PDZRN3: variants seen among roughly 807,000 people sequenced by gnomAD.
PDZRN3 encodes PDZ domain containing ring finger 3.
In PDZRN3, 38 loss-of-function variants were observed where a neutral mutation model predicts 85.7. That is an observed-to-expected ratio of 0.44 (90% CI 0.34 to 0.58). PDZRN3 has a LOEUF of 0.58. PDZRN3 is among the 20% of genes least tolerant of loss of function. The pLI is 0.01. For synonymous variants in PDZRN3, 759 were observed against 638.0 expected, an observed-to-expected ratio of 1.19 and a Z score of -2.86; for missense variants, 1,629 against 1,506.4, an observed-to-expected ratio of 1.08 and a Z score of -1.35.
At chr3:73,520,763 A>G (rs1422095622) in intron 3 of PDZRN3, among the ~76,000 whole-genome samples, 1 of 152,142 alleles carries the variant, frequency 6.6e-6, no homozygotes, top group East Asian at 1.9e-4. Context: ...GCAGGTGTTG[A>G]TAAGGAAGAG....
In PDZRN3 at chr3:73,568,265, A is replaced by C. The variant is rs181698488; in HGVS notation, c.918+34089T>G. Among the ~76,000 whole-genome samples, 17 of 152,090 alleles carry C rather than the reference A, an allele frequency of 1.1e-4. No homozygotes were observed. In the East Asian group the frequency reaches 2.9e-3, roughly 26 times the overall value. ...AGAGCTAGATATGATAATGAACAGG[A>C]AAGTCTTTTTTTTTCTTTTTAAATC... On this transcript the variant is annotated intron_variant, in intron 3 of 9. Transcript: ENST00000263666.
chr3:73,507,720 C>T (rs1221805452), intron 3 of PDZRN3, among the ~76,000 whole-genome samples: 1 of 152,166 alleles, frequency 6.6e-6, no homozygotes, highest in Non-Finnish European at 1.5e-5. Context: ...TAAATGAAGC[C>T]TTAGTGGAGA....
intron 3 of PDZRN3, among the ~76,000 whole-genome samples, chr3:73,574,463 G>GA (rs1553704249): frequency 7.1e-6 from 1 of 141,536 alleles, no homozygotes; most frequent in Non-Finnish European, 1.5e-5. Flanking sequence ...GGGGTGGGGG[G>GA]GGTGGGGAGG....
intron 6 of PDZRN3, among the ~76,000 whole-genome samples, chr3:73,390,538 T>C (rs1701499901): frequency 6.6e-6 from 1 of 151,942 alleles, no homozygotes; most frequent in African/African-American, 2.4e-5. Context: ...TCAAGGAAGA[T>C]CAAAACAGCG....
intron 3 of PDZRN3, among the ~76,000 whole-genome samples, chr3:73,427,444 C>T (rs556568262): frequency 1.3e-5 from 2 of 151,888 alleles, no homozygotes; most frequent in East Asian, 1.9e-4. Context: ...ACCCCCCCAC[C>T]ACCGCCCACA....
chr3:73,435,690 C>G (rs1422954578), intron 3 of PDZRN3, among the ~76,000 whole-genome samples: 1 of 152,176 alleles, frequency 6.6e-6, no homozygotes, highest in Non-Finnish European at 1.5e-5. Context: ...ACCATGGATT[C>G]TCACTTGATG....
At chr3:73,569,067 G>A in intron 3 of PDZRN3, 1 of 757,168 alleles carries the variant, frequency 1.3e-6, no homozygotes, top group South Asian at 1.4e-5. Flanking sequence ...TAAAATAACT[G>A]GCCCAAAGTA....
rs1702938654 is a variant in PDZRN3 at position 73,624,596 on chromosome 3, T to C, written c.230A>G (p.Lys77Arg). Residue 77 changes from lysine (K) to arginine (R), a missense_variant, in exon 1 of 10, where the codon AAG (lysine) becomes AGG (arginine). Lys to Arg is a conservative substitution (Grantham distance 26). Transcript: ENST00000263666. ...HVLPLKRLILKLDIKCAYATR... is the reference protein window; with the variant it reads ...HVLPLKRLILRLDIKCAYATR... Reference sequence around the variant, plus strand: ...CGCGTACGCGCACTTGATGTCCAGCTTGAGGATAAGGCGCTTGAGCGGCAG... The same window carrying C: ...CGCGTACGCGCACTTGATGTCCAGCCTGAGGATAAGGCGCTTGAGCGGCAG... The C allele has an allele frequency of 6.4e-7, 1 of 1,556,734 alleles. No homozygotes were observed. Among genetic ancestry groups the C allele is most frequent in the Non-Finnish European group, 8.7e-7 (1 of 1,155,464 alleles).
intron 3 of PDZRN3, among the ~76,000 whole-genome samples, chr3:73,440,115 C>A (rs1159991617): frequency 1.3e-5 from 2 of 152,030 alleles, no homozygotes; most frequent in Admixed American, 6.6e-5. Context: ...AGGACATTTT[C>A]TTTGGGCTGC....
chr3:73,563,824 T>C (rs6769015), intron 3 of PDZRN3, among the ~76,000 whole-genome samples: 2,323 of 152,314 alleles, frequency 0.015, 67 homozygotes, highest in African/African-American at 0.052. Flanking sequence ...AAGAGGCAAC[T>C]GGGGCCCAGA....
intron 1 of PDZRN3, chr3:73,621,858 C>G (rs1349241892): frequency 6.6e-6 from 1 of 152,212 alleles, no homozygotes; most frequent in Non-Finnish European, 1.5e-5. Flanking sequence ...ACTAACTCAA[C>G]AGAGCCTCAA....
chr3:73,455,494 G>A (rs2106852377), intron 3 of PDZRN3, among the ~76,000 whole-genome samples: 1 of 152,300 alleles, frequency 6.6e-6, no homozygotes, highest in East Asian at 1.9e-4. Flanking sequence ...GGAAGTCAAG[G>A]CATTGGCCAT....
chr3:73,408,798 A>G (rs1271972934), intron 3 of PDZRN3, among the ~76,000 whole-genome samples: 1 of 152,126 alleles, frequency 6.6e-6, no homozygotes, highest in African/African-American at 2.4e-5. Flanking sequence ...TTGGAATCAC[A>G]TCACTGAGAC....
intron 3 of PDZRN3, among the ~76,000 whole-genome samples, chr3:73,515,236 C>T (rs903236997): frequency 4.2e-4 from 58 of 139,708 alleles, no homozygotes; most frequent in African/African-American, 1.5e-3. Context: ...AATGCAGTGG[C>T]GCGATCTCGG....
chr3:73,405,720 T>C (rs945050936), intron 3 of PDZRN3, among the ~76,000 whole-genome samples: 1 of 152,216 alleles, frequency 6.6e-6, no homozygotes, highest in Non-Finnish European at 1.5e-5. Context: ...TATTTATAAA[T>C]GTCAAAATGA....
intron 3 of PDZRN3, 117 bp from the exon 4 acceptor site, chr3:73,404,512 T>A: frequency 1.3e-5 from 15 of 1,131,096 alleles, no homozygotes; most frequent in Non-Finnish European, 1.9e-5. Flanking sequence ...CAGGTGGTGG[T>A]GTCAGAGAAC....
intron 3 of PDZRN3, among the ~76,000 whole-genome samples, chr3:73,427,441 C>G (rs567763846): frequency 2.0e-5 from 3 of 152,276 alleles, no homozygotes; most frequent in East Asian, 1.9e-4. Flanking sequence ...CCCACCCCCC[C>G]ACCACCGCCC....
intron 3 of PDZRN3, among the ~76,000 whole-genome samples, chr3:73,508,605 T>C (rs1476876965): frequency 6.6e-6 from 1 of 152,160 alleles, no homozygotes; most frequent in African/African-American, 2.4e-5. Context: ...TTAAGAAAGA[T>C]AAGCCAGGAA....
chr3:73,471,191 A>G (rs1176309283), intron 3 of PDZRN3, among the ~76,000 whole-genome samples: 2 of 152,164 alleles, frequency 1.3e-5, no homozygotes, highest in Admixed American at 6.5e-5. Context: ...ATGTGAAGAG[A>G]TATAGAACAC....
Sources: gnomAD v4.1 joint callset for allele counts (sites outside exome capture counted in the v4.1 genomes callset) on GRCh38, gnomAD v4.1.1 for gene constraint, MANE v1.5 for transcripts, NCBI Gene and HGNC (gene_info 2026-07-23, HGNC 2026-07-21) for gene names.